The following RGS5 variants were observed in gnomAD, a reference collection of about 807,000 sequenced individuals.
The protein encoded by RGS5 is regulator of G protein signaling 5.
RGS5 carries 20 observed loss-of-function variants against 18.9 expected under a neutral mutation model. The ratio of observed to expected loss-of-function variants is 1.06; its 90% CI spans 0.74 to 1.54. RGS5 has a LOEUF of 1.54. Ranked by LOEUF, RGS5 falls within the 40% of genes most tolerant of loss-of-function variation. The pLI is 0.00. For synonymous variants in RGS5, 57 were observed against 76.2 expected, an observed-to-expected ratio of 0.75 and a Z score of 1.31; for missense variants, 201 against 211.8, an observed-to-expected ratio of 0.95 and a Z score of 0.32.
chr1:163,220,905 G>C (rs1647216169), upstream of RGS5, among the ~76,000 whole-genome samples: 1 of 152,154 alleles, frequency 6.6e-6, no homozygotes, highest in Admixed American at 6.6e-5. Context: ...GGAGCCTTTA[G>C]AAGCTGAAAA....
At position 163,143,328 on chromosome 1, in the gene RGS5, A is replaced by G. The variant is rs1392232684; in HGVS notation, c.*4014T>C. 6.6e-6 allele frequency: 1 copy of G among 152,182 alleles called. No individual in the cohort carries two copies. The highest frequency in any genetic ancestry group is 2.4e-5 in the African/African-American group (1 of 41,454). The allele number at this position is 152,182 out of a possible 1,614,324, so 9.4% of individuals were successfully genotyped here. ...GCACCAAACTTCATGTCCAAAACCTACATAGAATTGCCTACCCCTTGGGTT... is the reference window on the plus strand; with the variant it reads ...GCACCAAACTTCATGTCCAAAACCTGCATAGAATTGCCTACCCCTTGGGTT... On this transcript the variant is annotated 3_prime_UTR_variant, in exon 5 of 5. Coordinates refer to ENST00000313961, the MANE Select transcript of RGS5 (RefSeq NM_003617.4).
In RGS5 at chr1:163,270,673, A is replaced by AT. The variant is rs35847833; in HGVS notation, c.-281+35559dup. 1.3e-3 allele frequency among the ~76,000 whole-genome samples: 200 copies of AT among 152,264 alleles called. 1 individual carries two copies. Among genetic ancestry groups the AT allele is most frequent in the African/African-American group, 4.3e-3 (180 of 41,566 alleles). Reference sequence around the variant, plus strand: ...TACTGACAATCCATCCTACAAAAGTATTTTTTTAATTCTAAAGTTTTCATT... The same window carrying AT: ...TACTGACAATCCATCCTACAAAAGTATTTTTTTTAATTCTAAAGTTTTCATT... On this transcript the variant is annotated intron_variant, in intron 2 of 5. Coordinates refer to the RGS5 transcript ENST00000618415.
chr1:163,215,293 G>T (rs956509197), intron 1 of RGS5, among the ~76,000 whole-genome samples: 18 of 152,126 alleles, frequency 1.2e-4, no homozygotes, highest in Non-Finnish European at 2.4e-4. Context: ...TGCTGCTTGG[G>T]TTTACTCCAA....
chr1:163,254,787 C>T (rs1297816675), intron 2 of RGS5, among the ~76,000 whole-genome samples: 4 of 151,544 alleles, frequency 2.6e-5, no homozygotes, highest in South Asian at 2.1e-4. Context: ...TTAGGTCTAA[C>T]GTTTAAGTCT....
intron 2 of RGS5, among the ~76,000 whole-genome samples, chr1:163,282,684 T>TG (rs1328381708): frequency 6.6e-6 from 1 of 152,062 alleles, no homozygotes; most frequent in African/African-American, 2.4e-5. Flanking sequence ...CACTCTAGCC[T>TG]GGGGGAGAGA....
chr1:163,265,429 T>A (rs751812116), intron 2 of RGS5, among the ~76,000 whole-genome samples: 9 of 152,190 alleles, frequency 5.9e-5, no homozygotes, highest in Non-Finnish European at 1.3e-4. Flanking sequence ...CCTAGTCTTG[T>A]AAGGCAACTT....
intron 1 of RGS5, among the ~76,000 whole-genome samples, chr1:163,181,965 A>T (rs1404692465): frequency 1.3e-5 from 2 of 152,144 alleles, no homozygotes; most frequent in Non-Finnish European, 2.9e-5. Context: ...TAGAATTTCT[A>T]ACTCATAGAT....
chr1:163,154,322 C>T (rs189268680), intron 3 of RGS5, among the ~76,000 whole-genome samples: 1 of 152,180 alleles, frequency 6.6e-6, no homozygotes, highest in East Asian at 1.9e-4. Flanking sequence ...TATATTTTTA[C>T]TCTTCTCATA....
At chr1:163,256,962 C>T (rs147533298) in intron 2 of RGS5, among the ~76,000 whole-genome samples, 1 of 152,302 alleles carries the variant, frequency 6.6e-6, no homozygotes, top group African/African-American at 2.4e-5. Context: ...TGCCAACCAC[C>T]TTTCCCTTTT....
rs930557300 is a variant in RGS5, at chr1:163,285,115, C to T, written c.-281+21118G>A. On this transcript the variant is annotated intron_variant, in intron 2 of 5. Coordinates refer to the RGS5 transcript ENST00000618415. ...AACTGCCCTCATAATTCAATCATCT[C>T]CCACTGAGTCCCTCCCACAACACAT... Among the ~76,000 whole-genome samples, 4 of 152,138 alleles carry T rather than the reference C, an allele frequency of 2.6e-5. 1 individual carries two copies. In the South Asian group the frequency reaches 8.3e-4, roughly 32 times the overall value.
intron 1 of RGS5, among the ~76,000 whole-genome samples, chr1:163,188,240 T>G (rs1659176616): frequency 6.6e-6 from 1 of 152,172 alleles, no homozygotes; most frequent in Non-Finnish European, 1.5e-5. Context: ...TGAGGCATGC[T>G]AAACATACAA....
At chr1:163,294,179 C>T (rs1329814338) in intron 2 of RGS5, among the ~76,000 whole-genome samples, 1 of 152,186 alleles carries the variant, frequency 6.6e-6, no homozygotes, top group African/African-American at 2.4e-5. Flanking sequence ...TGTGGGGACT[C>T]CAACCCCCCA....
chr1:163,239,745 T>A (rs1026097310), intron 2 of RGS5, among the ~76,000 whole-genome samples: 1 of 152,240 alleles, frequency 6.6e-6, no homozygotes, highest in Non-Finnish European at 1.5e-5. Flanking sequence ...CTGATTTATA[T>A]TGCTGAAACA....
rs1034163876 is a variant in RGS5, at chr1:163,146,524, C to G, written c.*818G>C. The G allele has an allele frequency of 2.0e-5, 3 of 152,120 alleles. No homozygotes were observed. Among genetic ancestry groups the G allele is most frequent in the African/African-American group, 7.2e-5 (3 of 41,432 alleles). The allele number at this position is 152,120 out of a possible 1,614,324, so 9.4% of individuals were successfully genotyped here. A position where few individuals can be genotyped will look rare whatever the true frequency, so the allele number is the denominator to read the frequency against. Reference sequence around the variant, plus strand: ...TTTAGAAATTTACAAATTTTAAACTCATAAGAATTCTAAATAATTTGAAAA... The same window carrying G: ...TTTAGAAATTTACAAATTTTAAACTGATAAGAATTCTAAATAATTTGAAAA... On this transcript the variant is annotated 3_prime_UTR_variant, in exon 5 of 5. Coordinates refer to ENST00000313961, the MANE Select transcript of RGS5 (RefSeq NM_003617.4).
At chr1:163,171,097 C>A (rs557852548) in intron 1 of RGS5, among the ~76,000 whole-genome samples, 7 of 152,258 alleles carry the variant, frequency 4.6e-5, no homozygotes, top group Admixed American at 2.0e-4. Context: ...TGTTCCCTAG[C>A]TTCGAACATT....
chr1:163,245,444 T>G (rs561708614), intron 2 of RGS5, among the ~76,000 whole-genome samples: 1 of 152,374 alleles, frequency 6.6e-6, no homozygotes, highest in South Asian at 2.1e-4. Context: ...AATATTGCTA[T>G]AAGATTTTGC....
chr1:163,250,962 C>T (rs961494617), intron 2 of RGS5, among the ~76,000 whole-genome samples: 12 of 152,270 alleles, frequency 7.9e-5, no homozygotes, highest in African/African-American at 2.9e-4. Context: ...TTTTAGCAGA[C>T]ATACATGTTT....
At chr1:163,277,342 A>G (rs1210656915) in intron 2 of RGS5, among the ~76,000 whole-genome samples, 1 of 152,212 alleles carries the variant, frequency 6.6e-6, no homozygotes, top group African/African-American at 2.4e-5. Context: ...CATCTTGGGC[A>G]CATGTCAGGA....
At chr1:163,297,347 G>A (rs1649446492) in intron 2 of RGS5, among the ~76,000 whole-genome samples, 1 of 152,174 alleles carries the variant, frequency 6.6e-6, no homozygotes, top group Non-Finnish European at 1.5e-5. Flanking sequence ...AGAGTCCAGT[G>A]ATAGCTGGAC....
Sources: gnomAD v4.1 joint callset for allele counts (sites outside exome capture counted in the v4.1 genomes callset) on GRCh38, gnomAD v4.1.1 for gene constraint, MANE v1.5 for transcripts, NCBI Gene and HGNC (gene_info 2026-07-23, HGNC 2026-07-21) for gene names.